Variants in SHISA9 observed in about 807,000 individuals in gnomAD.
SHISA9 encodes the protein protein shisa-9.
SHISA9 carries 13 observed loss-of-function variants against 38.0 expected under a neutral mutation model. That is an observed-to-expected ratio of 0.34 (90% CI 0.22 to 0.54). SHISA9 has a LOEUF of 0.54. Ranked by LOEUF, SHISA9 falls within the 20% of genes least tolerant of loss-of-function variation. The pLI is 0.91. For synonymous variants in SHISA9, 275 were observed against 242.0 expected, an observed-to-expected ratio of 1.14 and a Z score of -1.27; for missense variants, 538 against 575.8, an observed-to-expected ratio of 0.93 and a Z score of 0.67.
Position 12,902,867 on chromosome 16 carries a change from T to TGTGTGTGA in SHISA9, c.563+241_563+242insTGTGTGAG, listed in dbSNP as rs1177790785. The TGTGTGTGA allele has an allele frequency of 6.3e-4, 319 of 503,270 alleles. 1 individual carries two copies. In the East Asian group the frequency reaches 9.7e-3, roughly 15 times the overall value. 31.2% of individuals were successfully genotyped at this position (503,270 alleles called of 1,614,324 possible). ...GTGTGAGCGTGTGTGTGTGTGTGTGTGACTCTGCTCCCTCACCCTCTGGCC... is the reference window on the plus strand; with the variant it reads ...GTGTGAGCGTGTGTGTGTGTGTGTGTGTGTGTGAGACTCTGCTCCCTCACCCTCTGGCC... On this transcript the variant is annotated intron_variant, in intron 1 of 4. Transcript: ENST00000558583.
chr16:13,519,385 A>C, the SHISA9 span, among the ~76,000 whole-genome samples: 1 of 152,220 alleles, frequency 6.6e-6, no homozygotes, highest in African/African-American at 2.4e-5. Context: ...TTGATGAATG[A>C]GCCTGTTCAC....
chr16:13,430,037 A>C, the SHISA9 span, among the ~76,000 whole-genome samples: 1 of 152,366 alleles, frequency 6.6e-6, no homozygotes, highest in Non-Finnish European at 1.5e-5. Flanking sequence ...AGGAGAAATT[A>C]GAACACTGAC....
the SHISA9 span, among the ~76,000 whole-genome samples, chr16:13,457,230 C>G: frequency 6.6e-6 from 1 of 152,170 alleles, no homozygotes; most frequent in Non-Finnish European, 1.5e-5. Flanking sequence ...CGTTTGAACC[C>G]GGGAGGCAGA....
the SHISA9 span, among the ~76,000 whole-genome samples, chr16:13,337,582 T>C: frequency 6.6e-6 from 1 of 152,180 alleles, no homozygotes; most frequent in African/African-American, 2.4e-5. Flanking sequence ...CTAGAGATAC[T>C]CTCAAATGGG....
chr16:13,412,049 C>A, the SHISA9 span, among the ~76,000 whole-genome samples: 1 of 152,124 alleles, frequency 6.6e-6, no homozygotes, highest in Non-Finnish European at 1.5e-5. Flanking sequence ...ACACCAAATT[C>A]TTTACCTTTC....
intron 2 of SHISA9, among the ~76,000 whole-genome samples, chr16:13,187,033 C>T (rs1306773830): frequency 2.0e-5 from 3 of 152,152 alleles, no homozygotes; most frequent in Non-Finnish European, 2.9e-5. Context: ...GCTGTGAACA[C>T]GGGTCTACAA....
At chr16:13,283,937 A>T in the SHISA9 span, among the ~76,000 whole-genome samples, 1 of 151,900 alleles carries the variant, frequency 6.6e-6, no homozygotes, top group East Asian at 1.9e-4. Context: ...GGGACATCTC[A>T]CCTTGAGAAT....
At chr16:13,276,607 T>C in the SHISA9 span, among the ~76,000 whole-genome samples, 1 of 152,122 alleles carries the variant, frequency 6.6e-6, no homozygotes, top group Non-Finnish European at 1.5e-5. Context: ...ATGATGGTCA[T>C]TCTTGCAGGA....
At chr16:13,109,543 G>A (rs1476595264) in intron 2 of SHISA9, among the ~76,000 whole-genome samples, 1 of 152,128 alleles carries the variant, frequency 6.6e-6, no homozygotes, top group African/African-American at 2.4e-5. Flanking sequence ...TGGTATAATT[G>A]ACATAACATC....
At chr16:13,402,936 G>C in the SHISA9 span, among the ~76,000 whole-genome samples, 1 of 152,274 alleles carries the variant, frequency 6.6e-6, no homozygotes, top group African/African-American at 2.4e-5. Flanking sequence ...GGCTAACACA[G>C]TCAAACCCCG....
At chr16:13,079,710 A>T (rs1290967667) in intron 2 of SHISA9, among the ~76,000 whole-genome samples, 1 of 152,204 alleles carries the variant, frequency 6.6e-6, no homozygotes, top group Non-Finnish European at 1.5e-5. Flanking sequence ...TTAGATCAAC[A>T]TCACAAAAGC....
chr16:13,154,797 G>A (rs1185829350), intron 2 of SHISA9, among the ~76,000 whole-genome samples: 1 of 152,162 alleles, frequency 6.6e-6, no homozygotes, highest in East Asian at 1.9e-4. Flanking sequence ...TCAGGTTTAG[G>A]GTCTTTCCTT....
chr16:13,316,415 G>C, the SHISA9 span, among the ~76,000 whole-genome samples: 2 of 152,088 alleles, frequency 1.3e-5, no homozygotes, highest in Non-Finnish European at 2.9e-5. Context: ...GTTCTTTATT[G>C]AGTCCAAGTG....
the SHISA9 span, among the ~76,000 whole-genome samples, chr16:13,502,326 G>A: frequency 1.3e-5 from 2 of 152,122 alleles, no homozygotes; most frequent in Non-Finnish European, 2.9e-5. Flanking sequence ...ACTAACATCT[G>A]TCTAATGTGC....
At chr16:13,077,116 A>T (rs2073591514) in intron 2 of SHISA9, among the ~76,000 whole-genome samples, 1 of 152,158 alleles carries the variant, frequency 6.6e-6, no homozygotes, top group Admixed American at 6.6e-5. Flanking sequence ...CAGCACCAGG[A>T]CCAGGACTAA....
At chr16:13,204,194 T>C (rs2051039376) in intron 3 of SHISA9, among the ~76,000 whole-genome samples, 1 of 144,962 alleles carries the variant, frequency 6.9e-6, no homozygotes, top group African/African-American at 2.6e-5. Flanking sequence ...TCTATCTACC[T>C]ATTATCTGTC....
chr16:13,491,742 G>A, the SHISA9 span, among the ~76,000 whole-genome samples: 5 of 143,382 alleles, frequency 3.5e-5, no homozygotes, highest in Non-Finnish European at 7.5e-5. Context: ...CACCCGCCTC[G>A]ACCTCCCAAA....
the SHISA9 span, among the ~76,000 whole-genome samples, chr16:13,263,367 A>G: frequency 6.6e-6 from 1 of 152,096 alleles, no homozygotes; most frequent in East Asian, 1.9e-4. Flanking sequence ...CACGGGGCGG[A>G]GTTCTCATGA....
chr16:13,365,259 A>C, the SHISA9 span, among the ~76,000 whole-genome samples: 137 of 152,272 alleles, frequency 9.0e-4, no homozygotes, highest in Non-Finnish European at 1.8e-3. Flanking sequence ...CTTCAAGTCC[A>C]GGAAAGCTTG....
Sources: gnomAD v4.1 joint callset for allele counts (sites outside exome capture counted in the v4.1 genomes callset) on GRCh38, gnomAD v4.1.1 for gene constraint, MANE v1.5 for transcripts, NCBI Gene and HGNC (gene_info 2026-07-23, HGNC 2026-07-21) for gene names.